Variants in SEPTIN3 observed in about 807,000 individuals in gnomAD.
SEPTIN3 encodes the protein septin 3.
SEPTIN3 carries 15 observed loss-of-function variants against 45.1 expected under a neutral mutation model. That is an observed-to-expected ratio of 0.33 (90% CI 0.22 to 0.51). SEPTIN3 has a LOEUF of 0.51. SEPTIN3 is among the 20% of genes least tolerant of loss of function. The pLI is 0.97. For missense variants in SEPTIN3, 289 were observed against 457.2 expected (o/e 0.63, Z 3.35); for synonymous variants, 148 against 164.8 (o/e 0.90, Z 0.78).
Position 41,994,231 on chromosome 22 carries a change from G to A in SEPTIN3, c.2360-59G>A. 2.6e-6 allele frequency: 4 copies of A among 1,535,786 alleles called. No homozygotes were observed. Among genetic ancestry groups the A allele is most frequent in the Non-Finnish European group, 3.6e-6 (4 of 1,113,792 alleles). ...TGACCCAAACAGAAGCTCACCTCCT[G>A]GGTGTTGCTGTATTAATGAACTGAC... On this transcript the variant is annotated intron_variant, in intron 9 of 11. Transcript: ENST00000644076. The surrounding 1 kb of genome is among the most constrained non-coding windows in gnomAD (Gnocchi z 4.2).
Position 41,976,940 on chromosome 22 carries a change from G to C in SEPTIN3, c.1504+3944G>C. 1.3e-6 allele frequency: 1 copy of C among 750,250 alleles called. No individual in the cohort carries two copies. The highest frequency in any genetic ancestry group is 3.1e-5 in the South Asian group (1 of 32,216). 46.5% of individuals were successfully genotyped at this position (750,250 alleles called of 1,614,324 possible). A position where few individuals can be genotyped will look rare whatever the true frequency, so the allele number is the denominator to read the frequency against. On this transcript the variant is annotated intron_variant, in intron 2 of 11. Coordinates refer to ENST00000644076, the MANE Select transcript of SEPTIN3 (RefSeq NM_001363845.2). This position sits in a 1 kb window ranked among gnomAD's most constrained non-coding sequence, Gnocchi z 5.8. ...GGGCCGCGGGCCGGGCGGGTGGGAG[G>C]AGAGCGCGAAGGGGCGAGGCCCGTT...
intron 2 of SEPTIN3, among the ~76,000 whole-genome samples, 199 bp downstream of exon 2, chr22:41,973,195 C>A (rs2077977128): frequency 6.6e-6 from 1 of 152,040 alleles, no homozygotes; most frequent in Admixed American, 6.6e-5. Flanking sequence ...TTCTAACCTG[C>A]CAGTCTGAGG....
chr22:41,987,199 C>T lies in SEPTIN3; in HGVS notation c.1826-7C>T. ...ACCTCTCTGGTACATTTTCTTTTCACCCCCAGTGATAGAGGAAGGCGGTGT... is the reference window on the plus strand; with the variant it reads ...ACCTCTCTGGTACATTTTCTTTTCATCCCCAGTGATAGAGGAAGGCGGTGT... On this transcript the variant is annotated splice_polypyrimidine_tract_variant and splice_region_variant and intron_variant, in intron 4 of 11. Transcript: ENST00000644076. 6.2e-7 allele frequency: 1 copy of T among 1,610,970 alleles called. No individual in the cohort carries two copies. The highest frequency in any genetic ancestry group is 8.5e-7 in the Non-Finnish European group (1 of 1,178,174).
At chr22:41,974,860 GAAAAA>G (rs55642127) in intron 2 of SEPTIN3, among the ~76,000 whole-genome samples, 14 of 74,300 alleles carry the variant, frequency 1.9e-4, no homozygotes, top group African/African-American at 5.6e-4. Context: ...GTCTCAAAAA[GAAAAA>G]AAAAAAAAAA....
At chr22:41,981,075 G>C (rs925139354) in intron 2 of SEPTIN3, among the ~76,000 whole-genome samples, 1 of 152,172 alleles carries the variant, frequency 6.6e-6, no homozygotes, top group Non-Finnish European at 1.5e-5. Flanking sequence ...TGTTAGTGCA[G>C]GATCCTAAAA....
At position 41,989,882 on chromosome 22, in the gene SEPTIN3, G is replaced by A. The variant is rs556477618; in HGVS notation, c.2163+198G>A. 4.3e-4 allele frequency among the ~76,000 whole-genome samples: 65 copies of A among 151,304 alleles called. 1 individual carries two copies. The highest frequency in any genetic ancestry group is 3.8e-3 in the Admixed American group (58 of 15,212). On this transcript the variant is annotated intron_variant, in intron 7 of 11. Coordinates refer to ENST00000644076, the MANE Select transcript of SEPTIN3 (RefSeq NM_001363845.2). ...CTGGGGACTATGATGAAGAAAAGAT[G>A]GCACAGCTCTGGGCTGCCTTCTTCC...
At chr22:41,995,461 C>G in intron 11 of SEPTIN3, 1 of 985,584 alleles carries the variant, frequency 1.0e-6, no homozygotes, top group Non-Finnish European at 1.2e-6. Flanking sequence ...CCTCTGCTGC[C>G]AGGCCACTGC....
chr22:41,984,611 C>CT (rs1298023105), intron 3 of SEPTIN3, among the ~76,000 whole-genome samples: 2 of 152,188 alleles, frequency 1.3e-5, no homozygotes, highest in Non-Finnish European at 2.9e-5. Context: ...TCCCGGCTCA[C>CT]TACAGCCTCT....
chr22:41,992,889 A>G, intron 9 of SEPTIN3, 126 bp downstream of exon 9: 2 of 697,884 alleles, frequency 2.9e-6, no homozygotes, highest in Non-Finnish European at 5.1e-6. Flanking sequence ...GATTCTGCCC[A>G]TAAGGAGCTT....
chr22:41,992,318 G>A (rs2078331455), intron 8 of SEPTIN3, among the ~76,000 whole-genome samples: 4 of 152,200 alleles, frequency 2.6e-5, no homozygotes, highest in African/African-American at 7.2e-5. Context: ...GGTGGAGGTT[G>A]CAGTGAGTTG....
rs554598728 is a variant in SEPTIN3, at chr22:41,997,208, C to T, written c.*241C>T. Reference sequence around the variant, plus strand: ...GCCCTACTGCATCATCTGCGTCAGCCGGTCCTAGCCCATCTGCAGGGTGAA... The same window carrying T: ...GCCCTACTGCATCATCTGCGTCAGCTGGTCCTAGCCCATCTGCAGGGTGAA... On this transcript the variant is annotated 3_prime_UTR_variant, in exon 12 of 12. Transcript: ENST00000644076. 1.5e-5 allele frequency: 10 copies of T among 653,140 alleles called. No individual in the cohort carries two copies. The highest frequency in any genetic ancestry group is 3.3e-5 in the Admixed American group (1 of 30,370). 40.5% of individuals were successfully genotyped at this position (653,140 alleles called of 1,614,324 possible). A position where few individuals can be genotyped will look rare whatever the true frequency, so the allele number is the denominator to read the frequency against.
At chr22:41,974,489 C>A (rs2077994412) in intron 2 of SEPTIN3, among the ~76,000 whole-genome samples, 1 of 151,770 alleles carries the variant, frequency 6.6e-6, no homozygotes, top group South Asian at 2.1e-4. Context: ...AAGGTGAAAC[C>A]CCGTCTCTAC....
intron 2 of SEPTIN3, 28 bp from the exon 3 acceptor site, chr22:41,981,613 CCCCT>C: frequency 3.2e-6 from 5 of 1,578,162 alleles, no homozygotes; most frequent in Non-Finnish European, 4.3e-6. Context: ...CTCCTGATCA[CCCCT>C]CCGACCCCTC....
intron 11 of SEPTIN3, chr22:41,995,703 G>T: frequency 3.0e-6 from 3 of 985,418 alleles, no homozygotes; most frequent in Non-Finnish European, 3.6e-6. Context: ...GATTGCCAGA[G>T]AAATCTGGGT....
chr22:41,983,605 G>A (rs1418536357), intron 3 of SEPTIN3, among the ~76,000 whole-genome samples: 1 of 152,194 alleles, frequency 6.6e-6, no homozygotes, highest in African/African-American at 2.4e-5. Context: ...AGAAGAGGCA[G>A]TGCTCGTCCA....
intron 8 of SEPTIN3, 119 bp downstream of exon 8, chr22:41,991,787 C>A: frequency 1.3e-6 from 1 of 761,650 alleles, no homozygotes; most frequent in South Asian, 1.5e-5. Flanking sequence ...TTGCCTGACC[C>A]AGACCAGAAG....
At chr22:41,978,012 A>C (rs2078057810) in intron 2 of SEPTIN3, among the ~76,000 whole-genome samples, 1 of 152,128 alleles carries the variant, frequency 6.6e-6, no homozygotes, top group Non-Finnish European at 1.5e-5. Context: ...GGGGGCCCCA[A>C]GGACCATCTA....
intron 2 of SEPTIN3, among the ~76,000 whole-genome samples, chr22:41,978,090 C>T (rs1396077350): frequency 6.6e-6 from 1 of 152,228 alleles, no homozygotes; most frequent in East Asian, 1.9e-4. Context: ...GGGGAGCCCC[C>T]CTCCAATCCT....
Position 41,989,603 on chromosome 22 carries a change from C to T in SEPTIN3, c.2082C>T (p.Leu694=). ...RPLDLEFMKH[L]SKVVNIIPVI... is the part of the protein sequence containing the mutation. The stretch of plus-strand genomic sequence containing the variant: ...TGGATCTTGAGTTCATGAAACACCT[C>T]AGCAAGGTTGTGAACATCATCCCTG... The change falls in exon 7 of 12, where the codon CTC becomes CTT. Residue 694 remains leucine, a synonymous_variant. Transcript: ENST00000644076. 1 of 1,614,072 alleles carries T rather than the reference C, an allele frequency of 6.2e-7. No individual in the cohort carries two copies. Among genetic ancestry groups the T allele is most frequent in the Non-Finnish European group, 8.5e-7 (1 of 1,179,940 alleles).
Sources: allele counts gnomAD v4.1 joint callset (sites outside exome capture counted in the v4.1 genomes callset), GRCh38; gene constraint gnomAD v4.1.1; non-coding constraint Gnocchi (gnomAD v3.1); transcripts MANE v1.5; gene names NCBI Gene and HGNC (gene_info 2026-07-23, HGNC 2026-07-21).